ARID1B: variants seen among roughly 807,000 people sequenced by gnomAD.
ARID1B encodes the protein AT-rich interactive domain-containing protein 1B.
In ARID1B, 30 loss-of-function variants were observed where a neutral mutation model predicts 212.3. The ratio of observed to expected loss-of-function variants is 0.14; its 90% CI spans 0.11 to 0.19. The LOEUF is 0.19. Ranked by LOEUF, ARID1B falls within the 10% of genes least tolerant of loss-of-function variation. ARID1B has a pLI of 1.00. For synonymous variants in ARID1B, 1,402 were observed against 1,301.7 expected (o/e 1.08, Z -1.66); for missense variants, 2,891 against 3,204.0 (o/e 0.90, Z 2.36).
Position 157,190,116 on chromosome 6 carries a change from A to G in ARID1B, c.4137A>G (p.Pro1379=), listed in dbSNP as rs1292100205. 6.2e-7 allele frequency: 1 copy of G among 1,614,112 alleles called. No homozygotes were observed. The highest frequency in any genetic ancestry group is 1.7e-5 in the Admixed American group (1 of 60,016). ...TCCCGAAACGGAACTCCATGACTCC[A>G]AACGCCCCCTACCAGCAGGGCATGA... ...SSFPKRNSMT[P]NAPYQQGMSM... Residue 1379 remains proline (P), a synonymous_variant, in exon 15 of 20, where the codon CCA becomes CCG. Transcript: ENST00000636930. This position sits in a 1 kb window ranked among gnomAD's most constrained non-coding sequence, Gnocchi z 4.6.
Position 157,114,613 on chromosome 6 carries a change from GA to G in ARID1B, c.2581+4053del, listed in dbSNP as rs376837707. 5.8e-3 allele frequency among the ~76,000 whole-genome samples: 865 copies of G among 150,278 alleles called. 8 individuals are homozygous for G. The highest frequency in any genetic ancestry group is 0.02 in the African/African-American group (828 of 40,704). On this transcript the variant is annotated intron_variant, in intron 6 of 19. Transcript: ENST00000636930. ...GTAATGACATTGCTTCTGTACTGCT[GA>G]GTGCTGAAATAACCACATTGAACAG...
chr6:156,911,163 T>G (rs1435355003), intron 3 of ARID1B, among the ~76,000 whole-genome samples: 3 of 152,190 alleles, frequency 2.0e-5, no homozygotes, highest in Non-Finnish European at 4.4e-5. Context: ...TGATGTCATC[T>G]TTTGAAATGA....
chr6:157,106,953 C>A (rs1231871920), intron 5 of ARID1B, among the ~76,000 whole-genome samples: 1 of 152,142 alleles, frequency 6.6e-6, no homozygotes, highest in African/African-American at 2.4e-5. Context: ...TCTAAAGGAT[C>A]CAGAAATTCG....
In ARID1B at chr6:157,181,180, T is replaced by C. The variant is rs1404726383; in HGVS notation, c.3714+2T>C. 4 of 1,613,780 alleles carry C rather than the reference T, an allele frequency of 2.5e-6. No individual in the cohort carries two copies. In the African/African-American group the frequency reaches 5.3e-5, roughly 22 times the overall value. The stretch of plus-strand genomic sequence containing the variant: ...AAAGAGATCGGGGGTTTGGCCCAGG[T>C]AAGAATGAGTGAGGGAGGGGGTGAA... On this transcript the variant is annotated splice_donor_variant, in intron 12 of 19. Coordinates refer to ENST00000636930, the MANE Select transcript of ARID1B (RefSeq NM_001374828.1). LOFTEE classifies it high-confidence loss of function.
At chr6:157,082,783 T>C (rs1053513154) in intron 4 of ARID1B, among the ~76,000 whole-genome samples, 2 of 152,238 alleles carry the variant, frequency 1.3e-5, no homozygotes, top group African/African-American at 2.4e-5. Flanking sequence ...GCTGTTCTGT[T>C]GTTTCCCATA....
chr6:157,050,735 G>T (rs1371476487), intron 4 of ARID1B, among the ~76,000 whole-genome samples: 1 of 152,080 alleles, frequency 6.6e-6, no homozygotes, highest in Non-Finnish European at 1.5e-5. Context: ...TACTTCTAAT[G>T]ACATCATACT....
chr6:156,808,238 C>G (rs1375421458), intron 1 of ARID1B, among the ~76,000 whole-genome samples: 1 of 152,188 alleles, frequency 6.6e-6, no homozygotes, highest in African/African-American at 2.4e-5. Flanking sequence ...TATTTGCATT[C>G]TGTCTTGTTA....
At chr6:156,850,253 A>G (rs944771827) in intron 2 of ARID1B, among the ~76,000 whole-genome samples, 5 of 152,008 alleles carry the variant, frequency 3.3e-5, no homozygotes, top group Non-Finnish European at 7.4e-5. Context: ...GCTACAATAT[A>G]TGATTAAATT....
At chr6:157,015,069 T>G (rs1779840972) in intron 4 of ARID1B, among the ~76,000 whole-genome samples, 2 of 152,190 alleles carry the variant, frequency 1.3e-5, no homozygotes, top group Non-Finnish European at 2.9e-5. Flanking sequence ...TGTCTTTTAA[T>G]CCAGCATTTT....
intron 8 of ARID1B, chr6:157,150,639 C>T (rs2128639898): frequency 5.8e-6 from 1 of 171,108 alleles, no homozygotes; most frequent in South Asian, 2.0e-4. Flanking sequence ...AAGCCCCGCA[C>T]CTATGTGTGG....
At chr6:157,059,033 G>A (rs1247848897) in intron 4 of ARID1B, among the ~76,000 whole-genome samples, 1 of 151,752 alleles carries the variant, frequency 6.6e-6, no homozygotes, top group Non-Finnish European at 1.5e-5. Flanking sequence ...ATGAGTTATA[G>A]CCAAAGGTAC....
At chr6:157,110,262 G>T (rs1420529442) in intron 5 of ARID1B, among the ~76,000 whole-genome samples, 1 of 152,094 alleles carries the variant, frequency 6.6e-6, no homozygotes, top group African/African-American at 2.4e-5. Context: ...CAACTTTTCA[G>T]CAAGTGTTTA....
chr6:156,832,194 G>A (rs538842769), intron 2 of ARID1B, among the ~76,000 whole-genome samples: 1 of 152,296 alleles, frequency 6.6e-6, no homozygotes, highest in South Asian at 2.1e-4. Context: ...CATTCATTTT[G>A]TTAGCTTGAG....
At chr6:156,848,011 C>T (rs961810630) in intron 2 of ARID1B, among the ~76,000 whole-genome samples, 4 of 152,142 alleles carry the variant, frequency 2.6e-5, no homozygotes, top group African/African-American at 9.7e-5. Flanking sequence ...TATTTAGAAT[C>T]GTGATGGAGA....
chr6:156,994,216 T>G (rs144752151), intron 4 of ARID1B, among the ~76,000 whole-genome samples: 158 of 152,350 alleles, frequency 1.0e-3, no homozygotes, highest in African/African-American at 3.7e-3. Flanking sequence ...GGTCACCTAT[T>G]TACAGTCCCT....
intron 8 of ARID1B, chr6:157,149,498 C>CT (rs1349947027): frequency 6.6e-6 from 1 of 152,640 alleles, no homozygotes; most frequent in African/African-American, 2.4e-5. Flanking sequence ...CCAGGCATAT[C>CT]TATCTGTCCA....
chr6:156,979,448 T>C (rs1777471538), intron 4 of ARID1B, among the ~76,000 whole-genome samples: 1 of 152,224 alleles, frequency 6.6e-6, no homozygotes, highest in African/African-American at 2.4e-5. Context: ...TCCTTGCTGC[T>C]GTGGGAGTAT....
At chr6:156,801,319 C>T (rs1467859408) in intron 1 of ARID1B, among the ~76,000 whole-genome samples, 5 of 151,320 alleles carry the variant, frequency 3.3e-5, no homozygotes, top group African/African-American at 1.2e-4. Context: ...TCTGCCTCAG[C>T]CTTCTGAGTA....
At chr6:156,962,996 T>A (rs1794501144) in intron 4 of ARID1B, among the ~76,000 whole-genome samples, 1 of 151,986 alleles carries the variant, frequency 6.6e-6, no homozygotes, top group African/African-American at 2.4e-5. Flanking sequence ...TTGGCCAGGA[T>A]GATCGCTATC....
Sources: gnomAD v4.1 joint callset for allele counts (sites outside exome capture counted in the v4.1 genomes callset) on GRCh38, gnomAD v4.1.1 for gene constraint, Gnocchi (gnomAD v3.1) non-coding constraint, MANE v1.5 for transcripts, NCBI Gene and HGNC (gene_info 2026-07-23, HGNC 2026-07-21) for gene names.